ADGRL2: variants seen among roughly 807,000 people sequenced by gnomAD.
The protein encoded by ADGRL2 is adhesion G protein-coupled receptor L2.
In ADGRL2, 44 loss-of-function variants were observed where a neutral mutation model predicts 157.4. That is an observed-to-expected ratio of 0.28 (90% CI 0.22 to 0.36). ADGRL2 has a LOEUF of 0.36. Among genes scored for constraint, ADGRL2 ranks in the 10% least tolerant of loss-of-function variants. The probability of loss-of-function intolerance (pLI) is 1.00; values close to 1 mark genes in which losing one functional copy is unlikely to be tolerated. For synonymous variants in ADGRL2, 585 were observed against 624.7 expected (o/e 0.94, Z 0.95); for missense variants, 1,510 against 1,768.9 (o/e 0.85, Z 2.63).
chr1:81,369,838 C>T (rs2076132085), intron 1 of ADGRL2, among the ~76,000 whole-genome samples: 1 of 152,144 alleles, frequency 6.6e-6, no homozygotes, highest in Non-Finnish European at 1.5e-5. Context: ...CTACATTTGG[C>T]ATTGGAATTA....
intron 2 of ADGRL2, among the ~76,000 whole-genome samples, chr1:81,877,231 C>T (rs570334459): frequency 2.1e-4 from 32 of 152,186 alleles, no homozygotes; most frequent in African/African-American, 7.7e-4. Context: ...TTTATTGCTG[C>T]AATTGACATG....
intron 2 of ADGRL2, among the ~76,000 whole-genome samples, chr1:81,891,409 T>C (rs1410828175): frequency 1.3e-5 from 2 of 152,102 alleles, no homozygotes; most frequent in Non-Finnish European, 2.9e-5. Flanking sequence ...TGGGATTTGG[T>C]AAAGCTCTTC....
At chr1:81,393,353 A>AG (rs202152062) in intron 1 of ADGRL2, among the ~76,000 whole-genome samples, 1,714 of 121,976 alleles carry the variant, frequency 0.014, 33 homozygotes, top group African/African-American at 0.047. Context: ...TCCATGCCCC[A>AG]GGGAAAAAAA....
chr1:81,315,143 T>G (rs1223061353), intron 1 of ADGRL2, among the ~76,000 whole-genome samples: 7 of 152,146 alleles, frequency 4.6e-5, no homozygotes, highest in African/African-American at 1.7e-4. Flanking sequence ...TGCATCAGAG[T>G]GTCTGCTTTA....
At position 81,956,387 on chromosome 1, in the gene ADGRL2, T is replaced by C. The variant is rs1251211787; in HGVS notation, c.2017+327T>C. ...CTTGCTATGAAACTGTGGCAAATGC[T>C]TAATCGTTTTATATAATATGTTCCT... is the stretch of plus-strand genomic sequence containing the variant. On this transcript the variant is annotated intron_variant, in intron 11 of 23. Transcript: ENST00000686636. 2.6e-5 allele frequency among the ~76,000 whole-genome samples: 4 copies of C among 152,176 alleles called. No homozygotes were observed. The South Asian group carries it at 6.2e-4, about 24-fold the overall frequency.
At chr1:81,703,925 T>A (rs904284577) in intron 1 of ADGRL2, among the ~76,000 whole-genome samples, 1 of 152,212 alleles carries the variant, frequency 6.6e-6, no homozygotes, top group Non-Finnish European at 1.5e-5. Flanking sequence ...GGGGCAGATA[T>A]CTGCATATGA....
At chr1:81,827,811 G>A (rs772049785) in intron 1 of ADGRL2, among the ~76,000 whole-genome samples, 15 of 151,960 alleles carry the variant, frequency 9.9e-5, no homozygotes, top group South Asian at 6.2e-4. Flanking sequence ...CCAATCCACC[G>A]GCCTCGGACT....
intron 17 of ADGRL2, among the ~76,000 whole-genome samples, chr1:81,975,370 A>G (rs1409457195): frequency 6.6e-6 from 1 of 152,102 alleles, no homozygotes; most frequent in African/African-American, 2.4e-5. Context: ...CCAAAATATT[A>G]TGTTTAAACT....
intron 2 of ADGRL2, among the ~76,000 whole-genome samples, chr1:81,839,132 A>G (rs1475405829): frequency 6.6e-6 from 1 of 152,078 alleles, no homozygotes; most frequent in Non-Finnish European, 1.5e-5. Flanking sequence ...TATGAATTTA[A>G]CCTTCAGCTA....
chr1:81,975,005 A>AT lies in ADGRL2; in HGVS notation c.3021+3097dup, dbSNP rs902358890. On this transcript the variant is annotated intron_variant, in intron 17 of 23. Transcript: ENST00000686636. The stretch of plus-strand genomic sequence containing the variant: ...ACTTACTCTTTTTGGCTGAATAAGG[A>AT]TTTTTTTTTTCTTGATTTGTTCTCA... 1.1e-3 allele frequency among the ~76,000 whole-genome samples: 162 copies of AT among 149,966 alleles called. 1 individual carries two copies. The highest frequency in any genetic ancestry group is 3.4e-3 in the Middle Eastern group (1 of 290).
chr1:81,881,600 T>C (rs1391114384), intron 2 of ADGRL2, among the ~76,000 whole-genome samples: 1 of 152,212 alleles, frequency 6.6e-6, no homozygotes, highest in African/African-American at 2.4e-5. Context: ...ATCCTCTCTG[T>C]TCTGTCTGTT....
intron 3 of ADGRL2, among the ~76,000 whole-genome samples, chr1:81,685,664 G>A (rs774899118): frequency 3.9e-5 from 6 of 152,134 alleles, no homozygotes; most frequent in Non-Finnish European, 8.8e-5. Flanking sequence ...AGGACTTCCA[G>A]TCCGATGTTG....
chr1:81,967,609 A>G (rs2149296386), intron 13 of ADGRL2, among the ~76,000 whole-genome samples: 1 of 152,232 alleles, frequency 6.6e-6, no homozygotes, highest in Non-Finnish European at 1.5e-5. Flanking sequence ...TATGATTTAC[A>G]TTGCTGCTAG....
intron 2 of ADGRL2, among the ~76,000 whole-genome samples, chr1:81,858,529 C>A (rs2093281891): frequency 6.6e-6 from 1 of 152,102 alleles, no homozygotes; most frequent in Non-Finnish European, 1.5e-5. Context: ...AGAACCAAGA[C>A]TTAAGAGAAT....
intron 2 of ADGRL2, among the ~76,000 whole-genome samples, chr1:81,553,818 G>A (rs1434882326): frequency 5.3e-5 from 8 of 152,150 alleles, no homozygotes; most frequent in African/African-American, 1.7e-4. Context: ...ATGGAGAAAC[G>A]CTTTTAAAGC....
chr1:81,731,923 C>T (rs972850596), intron 1 of ADGRL2, among the ~76,000 whole-genome samples: 2 of 152,194 alleles, frequency 1.3e-5, no homozygotes, highest in African/African-American at 4.8e-5. Flanking sequence ...TGGACCAAGA[C>T]AATCTGTTCA....
chr1:81,628,910 AT>A (rs1392889186), intron 3 of ADGRL2, among the ~76,000 whole-genome samples: 1 of 152,338 alleles, frequency 6.6e-6, no homozygotes, highest in South Asian at 2.1e-4. Context: ...AATGTGATTT[AT>A]TTTAGATAGG....
intron 3 of ADGRL2, among the ~76,000 whole-genome samples, chr1:81,645,961 A>T (rs1397519026): frequency 4.6e-5 from 7 of 152,328 alleles, no homozygotes; most frequent in Admixed American, 3.3e-4. Context: ...AAAGCTTGAG[A>T]GATTTCCACA....
Position 81,967,392 on chromosome 1 carries a change from GCTGGGACTACAGGCGTC to G in ADGRL2, c.2350-631_2350-615del, listed in dbSNP as rs1262872800. Among the ~76,000 whole-genome samples the G allele has an allele frequency of 2.6e-5, 4 of 152,018 alleles. No homozygotes were observed. In the East Asian group the frequency reaches 7.8e-4, roughly 30 times the overall value. On this transcript the variant is annotated intron_variant, in intron 13 of 23. Coordinates refer to ENST00000686636, the MANE Select transcript of ADGRL2 (RefSeq NM_001366006.2). ...TTCTCCTGCCTCAGCCTCCCGAGTA[GCTGGGACTACAGGCGTC>G]CTCCACCACGCCTGGCTAATTTTTT...
Sources: gnomAD v4.1 joint callset for allele counts (sites outside exome capture counted in the v4.1 genomes callset) on GRCh38, gnomAD v4.1.1 for gene constraint, MANE v1.5 for transcripts, NCBI Gene and HGNC (gene_info 2026-07-23, HGNC 2026-07-21) for gene names.